The following POMT2 variants were observed in gnomAD, a reference collection of about 807,000 sequenced individuals.
POMT2 encodes protein O-mannosyl-transferase 2.
A neutral mutation model predicts 100.0 loss-of-function variants in POMT2; 75 were observed. The ratio of observed to expected loss-of-function variants is 0.75; its 90% CI spans 0.62 to 0.91. POMT2 has a LOEUF of 0.91. Among genes scored for constraint, POMT2 ranks in the 40% least tolerant of loss-of-function variants. The probability of loss-of-function intolerance (pLI) is 0.00; values close to 1 mark genes in which losing one functional copy is unlikely to be tolerated. For synonymous variants in POMT2, 378 were observed against 374.1 expected, an observed-to-expected ratio of 1.01 and a Z score of -0.12; for missense variants, 940 against 955.1, an observed-to-expected ratio of 0.98 and a Z score of 0.21.
intron 2 of POMT2, among the ~76,000 whole-genome samples, chr14:77,311,277 C>T (rs192157135): frequency 6.6e-6 from 1 of 152,336 alleles, no homozygotes; most frequent in African/African-American, 2.4e-5. Flanking sequence ...GGATATCAGC[C>T]TCGTAAGCTA....
chr14:77,277,800 C>T (rs1030051163), intron 20 of POMT2, among the ~76,000 whole-genome samples: 1 of 152,196 alleles, frequency 6.6e-6, no homozygotes, highest in African/African-American at 2.4e-5. Context: ...CAGGCATGTG[C>T]TCACAGGCCA....
chr14:77,302,528 T>C (rs1181316423), intron 5 of POMT2, among the ~76,000 whole-genome samples: 2 of 151,884 alleles, frequency 1.3e-5, no homozygotes, highest in Non-Finnish European at 2.9e-5. Flanking sequence ...CCCCATGATA[T>C]CCCAAAACCC....
intron 9 of POMT2, among the ~76,000 whole-genome samples, chr14:77,292,225 A>G (rs1303942385): frequency 1.3e-5 from 2 of 152,208 alleles, no homozygotes; most frequent in East Asian, 3.8e-4. Flanking sequence ...TTAACATGAT[A>G]GTATGTCCTG....
At chr14:77,283,898 A>C in intron 14 of POMT2, 25 bp from the exon 15 acceptor site, 1 of 1,563,180 alleles carries the variant, frequency 6.4e-7, no homozygotes, top group Non-Finnish European at 8.8e-7. Flanking sequence ...TGCAGGAGAA[A>C]AGCCTTTGTC....
At chr14:77,317,863 G>C (rs1181652883) in intron 1 of POMT2, among the ~76,000 whole-genome samples, 2 of 152,242 alleles carry the variant, frequency 1.3e-5, no homozygotes, top group South Asian at 4.1e-4. Flanking sequence ...TCAGTCACTA[G>C]ATTGTCTTGT....
chr14:77,289,477 A>G (rs1890564765), intron 10 of POMT2, among the ~76,000 whole-genome samples: 1 of 152,122 alleles, frequency 6.6e-6, no homozygotes, highest in Non-Finnish European at 1.5e-5. Flanking sequence ...GAGAGTGGGA[A>G]CAGATGAGGC....
intron 3 of POMT2, among the ~76,000 whole-genome samples, chr14:77,305,139 C>CAGAT (rs1172635791): frequency 6.6e-6 from 1 of 152,114 alleles, no homozygotes; most frequent in African/African-American, 2.4e-5. Flanking sequence ...TATTAACACA[C>CAGAT]AGATAGTAAT....
chr14:77,294,566 C>T (rs1401138498), intron 9 of POMT2, among the ~76,000 whole-genome samples: 3 of 152,172 alleles, frequency 2.0e-5, no homozygotes, highest in Middle Eastern at 3.2e-3. Flanking sequence ...TAAAGTGATC[C>T]GCCCACCTCG....
intron 15 of POMT2, among the ~76,000 whole-genome samples, chr14:77,281,971 T>A (rs1464993302): frequency 2.6e-5 from 4 of 152,142 alleles, no homozygotes; most frequent in African/African-American, 9.7e-5. Flanking sequence ...GGCCTCTACA[T>A]GGTGGAGAGG....
Position 77,301,322 on chromosome 14 carries a change from G to A in POMT2, c.657-73C>T, listed in dbSNP as rs2139481199. On this transcript the variant is annotated intron_variant, in intron 5 of 20. Transcript: ENST00000261534. Reference sequence around the variant, plus strand: ...CAAACGCAAGCGCAGCAGGGGACAGGGCAGTTCTCAGACTTGGAGCGGCTG... The same window carrying A: ...CAAACGCAAGCGCAGCAGGGGACAGAGCAGTTCTCAGACTTGGAGCGGCTG... The A allele has an allele frequency of 2.5e-6, 4 of 1,580,948 alleles. No individual in the cohort carries two copies. In the African/African-American group the frequency reaches 4.0e-5, roughly 16 times the overall value.
At chr14:77,314,543 G>A (rs1238230139) in intron 1 of POMT2, among the ~76,000 whole-genome samples, 2 of 152,216 alleles carry the variant, frequency 1.3e-5, no homozygotes, top group Non-Finnish European at 1.5e-5. Flanking sequence ...GAGAGACATA[G>A]TCTTTGGTAA....
At chr14:77,315,062 A>G (rs1011588575) in intron 1 of POMT2, among the ~76,000 whole-genome samples, 1 of 152,114 alleles carries the variant, frequency 6.6e-6, no homozygotes. Flanking sequence ...CCATCCTAGT[A>G]TGCTGGAGAG....
chr14:77,314,893 T>C (rs1292035544), intron 1 of POMT2, among the ~76,000 whole-genome samples: 1 of 152,128 alleles, frequency 6.6e-6, no homozygotes, highest in African/African-American at 2.4e-5. Flanking sequence ...CAAAAGTAAA[T>C]ATAAATATGA....
Position 77,279,856 on chromosome 14 carries a change from G to A in POMT2, c.1858C>T (p.Gln620Ter). ...TCCGCTGGCAGCCGTGCCCCTCTCT[G>A]CATGGCTACAGCAATGATGCTCCCT... is the stretch of plus-strand genomic sequence containing the variant. ...LSGSIIAVAM[Q>*]RGARLPAEVA... The change falls in exon 18 of 21, where the codon CAG becomes TAG. Residue 620 changes from glutamine (Q) to a stop codon, truncating the protein, a stop_gained. Coordinates refer to ENST00000261534, the MANE Select transcript of POMT2 (RefSeq NM_013382.7). LOFTEE classifies it high-confidence loss of function. 3.7e-6 allele frequency: 6 copies of A among 1,613,938 alleles called. No individual in the cohort carries two copies. Among genetic ancestry groups the A allele is most frequent in the South Asian group, 1.1e-5 (1 of 91,074 alleles).
At chr14:77,285,125 C>T (rs922802138) in intron 13 of POMT2, 84 bp from the exon 14 acceptor site, 10 of 1,187,844 alleles carry the variant, frequency 8.4e-6, no homozygotes, top group Non-Finnish European at 1.2e-5. Context: ...CTTAAATCCA[C>T]AGGCTCCTTC....
intron 1 of POMT2, among the ~76,000 whole-genome samples, chr14:77,318,551 T>C (rs1026724383): frequency 2.6e-5 from 4 of 152,088 alleles, no homozygotes; most frequent in Non-Finnish European, 5.9e-5. Flanking sequence ...GTCTAGTGAT[T>C]GAGGCTGCAA....
chr14:77,294,470 T>C (rs1363390330), intron 9 of POMT2, among the ~76,000 whole-genome samples: 1 of 152,230 alleles, frequency 6.6e-6, no homozygotes, highest in African/African-American at 2.4e-5. Flanking sequence ...TACTGGCACG[T>C]GCCATCAAGC....
intron 1 of POMT2, 107 bp downstream of exon 1, chr14:77,320,327 T>C (rs2139548640): frequency 6.6e-7 from 1 of 1,525,592 alleles, no homozygotes; most frequent in Non-Finnish European, 8.8e-7. Context: ...CCCTCCACCG[T>C]GGCCCTCCTC....
rs145863510 is a variant in POMT2 at position 77,311,110 on chromosome 14, G to C, written c.333+839C>G. On this transcript the variant is annotated intron_variant, in intron 2 of 20. Coordinates refer to ENST00000261534, the MANE Select transcript of POMT2 (RefSeq NM_013382.7). ...ATTGTACCATTGCAGTCCAGCCTGG[G>C]TGGCAAGAGTGAAACTCTGTCTCAA... 4.1e-3 allele frequency among the ~76,000 whole-genome samples: 626 copies of C among 152,362 alleles called. 6 individuals are homozygous for C. The highest frequency in any genetic ancestry group is 0.015 in the African/African-American group (610 of 41,582).
Sources: gnomAD v4.1 joint callset for allele counts (sites outside exome capture counted in the v4.1 genomes callset) on GRCh38, gnomAD v4.1.1 for gene constraint, MANE v1.5 for transcripts, NCBI Gene and HGNC (gene_info 2026-07-23, HGNC 2026-07-21) for gene names.